Variants in MTMR1 observed in about 807,000 individuals in gnomAD.
The protein encoded by MTMR1 is myotubularin related protein 1.
In MTMR1, 17 loss-of-function variants were observed where a neutral mutation model predicts 51.6. The ratio of observed to expected loss-of-function variants is 0.33; its 90% CI spans 0.23 to 0.49. The LOEUF is 0.49. Among genes scored for constraint, MTMR1 ranks in the 20% least tolerant of loss-of-function variants. The pLI, the probability that MTMR1 is intolerant of heterozygous loss-of-function variation, is 0.99. For missense variants in MTMR1, 386 were observed against 526.9 expected (o/e 0.73, Z 2.62); for synonymous variants, 201 against 205.6 (o/e 0.98, Z 0.19).
At chrX:150,710,417 A>G (rs1227278495) in intron 2 of MTMR1, among the ~76,000 whole-genome samples, 3 of 111,388 alleles carry the variant, frequency 2.7e-5, no homozygotes, top group African/African-American at 9.8e-5. Flanking sequence ...GCTGGAGTGC[A>G]GTGTGTGATC....
intron 6 of MTMR1, 116 bp downstream of exon 6, chrX:150,727,907 A>G (rs1479990748): frequency 4.8e-6 from 2 of 412,853 alleles, no homozygotes; most frequent in African/African-American, 5.0e-5. Flanking sequence ...TAGTAACTCA[A>G]ATGTTTTCGG....
At chrX:150,759,442 A>C (rs1557417885) in intron 15 of MTMR1, among the ~76,000 whole-genome samples, 1 of 111,534 alleles carries the variant, frequency 9.0e-6, no homozygotes, top group East Asian at 2.8e-4. Flanking sequence ...CAGAAAATCC[A>C]ACAGAACCAT....
chrX:150,707,733 G>A (rs1289296468), intron 2 of MTMR1, among the ~76,000 whole-genome samples: 2 of 112,177 alleles, frequency 1.8e-5, no homozygotes, highest in African/African-American at 6.5e-5. Flanking sequence ...ATTTGTCCAA[G>A]AGAAATTAAA....
chrX:150,700,323 A>G (rs2040865204), intron 2 of MTMR1, among the ~76,000 whole-genome samples: 1 of 112,235 alleles, frequency 8.9e-6, no homozygotes, highest in South Asian at 3.7e-4. Context: ...TAACAAGTGC[A>G]GAAACAGGCT....
At chrX:150,741,893 C>T (rs1383817433) in intron 12 of MTMR1, among the ~76,000 whole-genome samples, 4 of 112,310 alleles carry the variant, frequency 3.6e-5, no homozygotes, top group Non-Finnish European at 7.5e-5. Context: ...AACAGAATGG[C>T]GGATACTCAG....
At chrX:150,760,926 C>T (rs1178005356) in intron 15 of MTMR1, among the ~76,000 whole-genome samples, 22 of 38,930 alleles carry the variant, frequency 5.7e-4, no homozygotes, top group East Asian at 4.6e-3. Flanking sequence ...GACTGCATTC[C>T]GCCTCAAAAA....
At chrX:150,705,452 GA>G (rs1408491843) in intron 2 of MTMR1, among the ~76,000 whole-genome samples, 1 of 111,393 alleles carries the variant, frequency 9.0e-6, no homozygotes, top group African/African-American at 3.3e-5. Flanking sequence ...TGAAAACAAA[GA>G]AAAAAATATT....
chrX:150,753,254 T>A (rs1293391871), intron 14 of MTMR1, among the ~76,000 whole-genome samples: 2 of 112,579 alleles, frequency 1.8e-5, no homozygotes, highest in Non-Finnish European at 3.7e-5. Flanking sequence ...AAATTTGGAT[T>A]GTTTCCACAT....
intron 12 of MTMR1, among the ~76,000 whole-genome samples, chrX:150,742,543 G>A (rs1366435406): frequency 6.3e-5 from 7 of 111,375 alleles, no homozygotes; most frequent in East Asian, 2.8e-4. Flanking sequence ...CAGGCCAGGC[G>A]CGGTGGCTCA....
At chrX:150,760,433 CAG>C (rs1557417974) in intron 15 of MTMR1, among the ~76,000 whole-genome samples, 1 of 111,664 alleles carries the variant, frequency 9.0e-6, no homozygotes, top group Non-Finnish European at 1.9e-5. Context: ...GGGCATCCAT[CAG>C]AGGATGGCTG....
chrX:150,763,699 C>G lies in MTMR1; in HGVS notation c.*970C>G, dbSNP rs931142159. The G allele has an allele frequency of 1.8e-5, 2 of 112,752 alleles. No individual in the cohort carries two copies. The highest frequency in any genetic ancestry group is 6.4e-5 in the African/African-American group (2 of 31,069). The allele number at this position is 112,752 out of a possible 1,213,427, so 9.3% of individuals were successfully genotyped here. On this transcript the variant is annotated 3_prime_UTR_variant, in exon 16 of 16. Coordinates refer to ENST00000445323, the MANE Select transcript of MTMR1 (RefSeq NM_001306144.3). ...TCATTTTATCACAATTCCTTCAACT[C>G]AGCTTACTCGCGTGGCTGCCTGTTC...
intron 2 of MTMR1, among the ~76,000 whole-genome samples, chrX:150,709,024 G>A (rs929247456): frequency 9.0e-5 from 10 of 111,599 alleles, no homozygotes; most frequent in African/African-American, 3.3e-4. Context: ...TAGATACCCC[G>A]AATCCTTCGG....
chrX:150,757,290 C>T (rs1302269411), intron 15 of MTMR1, among the ~76,000 whole-genome samples: 1 of 112,599 alleles, frequency 8.9e-6, no homozygotes, highest in Non-Finnish European at 1.9e-5. Context: ...CTGCTGGGTG[C>T]GCCCCGCTGC....
At chrX:150,751,128 G>T in intron 14 of MTMR1, 12 of 1,006,190 alleles carry the variant, frequency 1.2e-5, no homozygotes, top group African/African-American at 9.5e-5. Flanking sequence ...AGTCTCCGCT[G>T]CACCAACTCC....
chrX:150,749,888 G>A (rs781954487), intron 13 of MTMR1, among the ~76,000 whole-genome samples: 5 of 111,675 alleles, frequency 4.5e-5, no homozygotes, highest in Admixed American at 1.9e-4. Flanking sequence ...GGAGGCTGAG[G>A]CGAGTGGATC....
chrX:150,729,801 G>A (rs1022368419), intron 6 of MTMR1, among the ~76,000 whole-genome samples: 18 of 111,334 alleles, frequency 1.6e-4, no homozygotes, highest in Non-Finnish European at 2.8e-4. Context: ...GTTGGATTAC[G>A]TGAGGTCAGG....
chrX:150,693,935 C>G (rs1367845698), intron 1 of MTMR1, among the ~76,000 whole-genome samples: 3 of 111,512 alleles, frequency 2.7e-5, no homozygotes, highest in Non-Finnish European at 5.7e-5. Context: ...TCCTGGAACC[C>G]CGGGAGGGGC....
chrX:150,761,319 T>C (rs1357094326), intron 15 of MTMR1, among the ~76,000 whole-genome samples: 2 of 112,204 alleles, frequency 1.8e-5, no homozygotes, highest in Non-Finnish European at 3.8e-5. Flanking sequence ...CTCAGCCCAC[T>C]GGGTGCTGGT....
At position 150,718,723 on chromosome X, in the gene MTMR1, G is replaced by A. The variant is rs781799641; in HGVS notation, c.352+23G>A. 1.1e-5 allele frequency: 13 copies of A among 1,161,219 alleles called. No individual in the cohort carries two copies. The Admixed American group carries it at 1.3e-4, about 12-fold the overall frequency. On this transcript the variant is annotated intron_variant, in intron 4 of 15. Coordinates refer to ENST00000445323, the MANE Select transcript of MTMR1 (RefSeq NM_001306144.3). ...TTGGTAAGTTTAGTGTGTACACTTCGCTTTTTGAGATCCATAAAATGAAAT... is the reference window on the plus strand; with the variant it reads ...TTGGTAAGTTTAGTGTGTACACTTCACTTTTTGAGATCCATAAAATGAAAT...
Sources: allele counts gnomAD v4.1 joint callset (sites outside exome capture counted in the v4.1 genomes callset), GRCh38; gene constraint gnomAD v4.1.1; transcripts MANE v1.5; gene names NCBI Gene and HGNC (gene_info 2026-07-23, HGNC 2026-07-21).